Variants in TOPAZ1 observed in about 807,000 individuals in gnomAD.
TOPAZ1 encodes the protein protein TOPAZ1.
Under a neutral mutation model 172.2 loss-of-function variants are expected in TOPAZ1, and 66 were observed. The ratio of observed to expected loss-of-function variants is 0.38; its 90% CI spans 0.31 to 0.47. The LOEUF is 0.47. TOPAZ1 is among the 20% of genes least tolerant of loss of function. TOPAZ1 has a pLI of 0.99. For synonymous variants in TOPAZ1, 681 were observed against 683.9 expected (o/e 1.00, Z 0.07); for missense variants, 1,822 against 1,972.4 (o/e 0.92, Z 1.44).
chr3:44,286,073 G>T (rs986300880), intron 9 of TOPAZ1, among the ~76,000 whole-genome samples: 1 of 151,876 alleles, frequency 6.6e-6, no homozygotes, highest in African/African-American at 2.4e-5. Flanking sequence ...AACCTAACCA[G>T]GTTTGGTGGT....
At chr3:44,300,767 A>G (rs1700263071) in intron 12 of TOPAZ1, among the ~76,000 whole-genome samples, 1 of 152,086 alleles carries the variant, frequency 6.6e-6, no homozygotes, top group African/African-American at 2.4e-5. Context: ...CTGGGCATTT[A>G]TCCTAGAGAA....
chr3:44,295,614 T>C (rs1700186452), intron 12 of TOPAZ1, among the ~76,000 whole-genome samples: 1 of 152,122 alleles, frequency 6.6e-6, no homozygotes, highest in African/African-American at 2.4e-5. Context: ...AAATAGACTT[T>C]AGAGCAAGGA....
At chr3:44,255,764 ATCTT>A (rs1358875517) in intron 3 of TOPAZ1, among the ~76,000 whole-genome samples, 1 of 149,858 alleles carries the variant, frequency 6.7e-6, no homozygotes, top group East Asian at 1.9e-4. Context: ...AAATACCTGA[ATCTT>A]TATTTCATAG....
chr3:44,292,497 G>A (rs916742876), intron 12 of TOPAZ1, among the ~76,000 whole-genome samples: 14 of 152,170 alleles, frequency 9.2e-5, no homozygotes, highest in African/African-American at 3.4e-4. Flanking sequence ...ACCAGATTCA[G>A]TAGCAGTTAG....
intron 15 of TOPAZ1, among the ~76,000 whole-genome samples, chr3:44,307,394 A>AC (rs1700347921): frequency 6.6e-6 from 1 of 152,112 alleles, no homozygotes; most frequent in South Asian, 2.1e-4. Flanking sequence ...CTCTTAGAAT[A>AC]CCTTGGAACA....
intron 12 of TOPAZ1, among the ~76,000 whole-genome samples, chr3:44,302,135 G>A (rs1456501673): frequency 6.6e-6 from 1 of 152,176 alleles, no homozygotes; most frequent in African/African-American, 2.4e-5. Context: ...TCTTGGCTGG[G>A]CGTGGTGGCT....
intron 13 of TOPAZ1, 138 bp downstream of exon 13, chr3:44,304,219 G>C: frequency 4.0e-6 from 2 of 501,066 alleles, no homozygotes; most frequent in South Asian, 4.4e-5. Context: ...TCAAGGAAAG[G>C]AAGTTTTGTT....
At chr3:44,327,349 A>G (rs1275688794) in intron 18 of TOPAZ1, among the ~76,000 whole-genome samples, 1 of 151,698 alleles carries the variant, frequency 6.6e-6, no homozygotes, top group Non-Finnish European at 1.5e-5. Context: ...AAATATAATA[A>G]TATAAAATTG....
intron 9 of TOPAZ1, 134 bp downstream of exon 9, chr3:44,282,165 G>A: frequency 1.8e-6 from 1 of 567,414 alleles, no homozygotes; most frequent in South Asian, 2.8e-5. Context: ...CCTAAGAAAG[G>A]ATTGAAAATA....
chr3:44,264,935 G>A (rs1318915289), intron 5 of TOPAZ1, among the ~76,000 whole-genome samples: 1 of 152,162 alleles, frequency 6.6e-6, no homozygotes, highest in African/African-American at 2.4e-5. Context: ...TCTACTTCTA[G>A]TTTTCTTGCT....
intron 16 of TOPAZ1, among the ~76,000 whole-genome samples, chr3:44,318,800 ATATTT>A (rs1051862876): frequency 6.8e-6 from 1 of 147,672 alleles, no homozygotes; most frequent in African/African-American, 2.5e-5. Context: ...TATAATATGT[ATATTT>A]TATTTATATA....
chr3:44,320,911 C>A, intron 16 of TOPAZ1, 116 bp from the exon 17 acceptor site: 1 of 636,538 alleles, frequency 1.6e-6, no homozygotes, highest in Non-Finnish European at 2.6e-6. Flanking sequence ...TCTCTGAGTA[C>A]ATATGTTTAA....
At chr3:44,277,150 ATTTG>A (rs989591667) in intron 8 of TOPAZ1, among the ~76,000 whole-genome samples, 48 of 152,056 alleles carry the variant, frequency 3.2e-4, no homozygotes, top group Middle Eastern at 3.4e-3. Context: ...ATGTCTTTCC[ATTTG>A]TTTGTGTCCT....
chr3:44,285,138 A>G (rs954648765), intron 9 of TOPAZ1, among the ~76,000 whole-genome samples: 1 of 152,156 alleles, frequency 6.6e-6, no homozygotes, highest in African/African-American at 2.4e-5. Flanking sequence ...GTAATTGGTA[A>G]AGTAGCGTTA....
intron 18 of TOPAZ1, among the ~76,000 whole-genome samples, chr3:44,323,623 G>C (rs1216943029): frequency 6.6e-6 from 1 of 152,142 alleles, no homozygotes; most frequent in African/African-American, 2.4e-5. Flanking sequence ...TAAAACAAGT[G>C]GGTAGAATGA....
chr3:44,287,346 C>T, intron 9 of TOPAZ1, 43 bp from the exon 10 acceptor site: 1 of 1,128,078 alleles, frequency 8.9e-7, no homozygotes, highest in Non-Finnish European at 1.2e-6. Context: ...ATACAGATAT[C>T]TGAAGCAGCA....
intron 9 of TOPAZ1, among the ~76,000 whole-genome samples, chr3:44,282,531 C>T (rs1700034631): frequency 6.6e-6 from 1 of 152,178 alleles, no homozygotes; most frequent in African/African-American, 2.4e-5. Flanking sequence ...AAAGGAAAGG[C>T]TATTCGGCCT....
chr3:44,293,025 A>G (rs1292863152), intron 12 of TOPAZ1, among the ~76,000 whole-genome samples: 1 of 152,198 alleles, frequency 6.6e-6, no homozygotes, highest in Non-Finnish European at 1.5e-5. Context: ...ATGATGGACC[A>G]CATATACCAT....
intron 12 of TOPAZ1, among the ~76,000 whole-genome samples, chr3:44,291,549 C>T (rs1273387647): frequency 6.6e-6 from 1 of 150,710 alleles, no homozygotes; most frequent in Non-Finnish European, 1.5e-5. Flanking sequence ...TGCAGTGAGC[C>T]GAGATCGCAC....
Sources: gnomAD v4.1 joint callset for allele counts (sites outside exome capture counted in the v4.1 genomes callset) on GRCh38, gnomAD v4.1.1 for gene constraint, MANE v1.5 for transcripts, NCBI Gene and HGNC (gene_info 2026-07-23, HGNC 2026-07-21) for gene names.